Variants in ARHGAP26 observed in about 807,000 individuals in gnomAD.
ARHGAP26 encodes Rho GTPase activating protein 26.
A neutral mutation model predicts 104.8 loss-of-function variants in ARHGAP26; 38 were observed. The ratio of observed to expected loss-of-function variants is 0.36; its 90% CI spans 0.28 to 0.48. ARHGAP26 has a LOEUF of 0.48. Among genes scored for constraint, ARHGAP26 ranks in the 20% least tolerant of loss-of-function variants. The pLI is 0.99. For synonymous variants in ARHGAP26, 341 were observed against 340.0 expected (o/e 1.00, Z -0.03); for missense variants, 704 against 947.9 (o/e 0.74, Z 3.38).
At chr5:142,895,561 A>T (rs756759254) in intron 6 of ARHGAP26, among the ~76,000 whole-genome samples, 7 of 152,210 alleles carry the variant, frequency 4.6e-5, no homozygotes, top group Non-Finnish European at 1.0e-4. Flanking sequence ...GCAAATAAGA[A>T]TAAAACTGTA....
chr5:142,831,186 A>G (rs2152118086), intron 1 of ARHGAP26, among the ~76,000 whole-genome samples: 1 of 152,124 alleles, frequency 6.6e-6, no homozygotes, highest in African/African-American at 2.4e-5. Context: ...TCTCTCAGGG[A>G]TTCCACTGAT....
chr5:142,954,745 A>G (rs915723045), intron 11 of ARHGAP26, among the ~76,000 whole-genome samples: 8 of 152,202 alleles, frequency 5.3e-5, no homozygotes, highest in Non-Finnish European at 1.0e-4. Context: ...GATGTGTTTC[A>G]GGTGTTCTGA....
At chr5:143,176,346 T>C (rs1425479751) in intron 20 of ARHGAP26, among the ~76,000 whole-genome samples, 7 of 152,212 alleles carry the variant, frequency 4.6e-5, no homozygotes, top group African/African-American at 1.7e-4. Context: ...ACTTCTTAGA[T>C]GGTAGGAATT....
chr5:143,087,229 G>A (rs1463473239), intron 17 of ARHGAP26, among the ~76,000 whole-genome samples: 1 of 152,196 alleles, frequency 6.6e-6, no homozygotes, highest in African/African-American at 2.4e-5. Flanking sequence ...TCAAATTAAG[G>A]TGTTGTAAGC....
At chr5:143,076,609 C>T (rs1403930496) in intron 17 of ARHGAP26, among the ~76,000 whole-genome samples, 2 of 152,178 alleles carry the variant, frequency 1.3e-5, no homozygotes, top group Non-Finnish European at 2.9e-5. Flanking sequence ...GTTCCCTTTG[C>T]TCTCCAGTGG....
chr5:143,098,861 G>C (rs918693600), intron 17 of ARHGAP26, among the ~76,000 whole-genome samples: 3 of 145,786 alleles, frequency 2.1e-5, no homozygotes, highest in Admixed American at 2.0e-4. Flanking sequence ...TAGGGTTAGT[G>C]TTAAAGTATA....
chr5:142,932,926 C>T lies in ARHGAP26; in HGVS notation c.1107+801C>T, dbSNP rs1259628182. Reference sequence around the variant, plus strand: ...TCTACTCAGCCATATTTTATACAAACATGGGACGTAGTCAACTAGGCATAA... The same window carrying T: ...TCTACTCAGCCATATTTTATACAAATATGGGACGTAGTCAACTAGGCATAA... On this transcript the variant is annotated intron_variant, in intron 11 of 22. Transcript: ENST00000645722. 2.0e-5 allele frequency among the ~76,000 whole-genome samples: 3 copies of T among 152,218 alleles called. 1 individual carries two copies. Among genetic ancestry groups the T allele is most frequent in the Non-Finnish European group, 4.4e-5 (3 of 68,040 alleles).
intron 17 of ARHGAP26, among the ~76,000 whole-genome samples, chr5:143,094,788 G>T (rs982253007): frequency 2.0e-5 from 3 of 152,074 alleles, no homozygotes; most frequent in East Asian, 1.9e-4. Context: ...TGAGTGGTTT[G>T]GGGGGAAAAT....
At chr5:142,926,718 T>C (rs1321394089) in intron 10 of ARHGAP26, among the ~76,000 whole-genome samples, 1 of 152,138 alleles carries the variant, frequency 6.6e-6, no homozygotes, top group Non-Finnish European at 1.5e-5. Context: ...TATGAGTGTG[T>C]TGGGAGTGGG....
At chr5:143,099,207 A>G (rs1268146129) in intron 17 of ARHGAP26, among the ~76,000 whole-genome samples, 3 of 152,250 alleles carry the variant, frequency 2.0e-5, no homozygotes, top group Non-Finnish European at 4.4e-5. Flanking sequence ...CTGAGTCTTC[A>G]TTCATAGTAA....
At chr5:142,814,514 C>T (rs1764724787) in intron 1 of ARHGAP26, among the ~76,000 whole-genome samples, 1 of 152,216 alleles carries the variant, frequency 6.6e-6, no homozygotes, top group Non-Finnish European at 1.5e-5. Context: ...TGAGAAGTTC[C>T]ACTGCATTGC....
At chr5:142,847,557 A>G (rs1008333991) in intron 1 of ARHGAP26, among the ~76,000 whole-genome samples, 1 of 152,100 alleles carries the variant, frequency 6.6e-6, no homozygotes, top group African/African-American at 2.4e-5. Context: ...GGGTTTCTCC[A>G]TGTTGGTCAG....
Position 143,179,186 on chromosome 5 carries a change from A to G in ARHGAP26, c.1989-28012A>G, listed in dbSNP as rs968183123. ...GCCCAGCCATTTATCATGTATCATG[A>G]TAAATACATGATTATCAGACATTAA... On this transcript the variant is annotated intron_variant, in intron 20 of 22. Transcript: ENST00000645722. Among the ~76,000 whole-genome samples the G allele has an allele frequency of 2.6e-5, 4 of 152,308 alleles. 1 individual carries two copies.
At chr5:143,187,048 A>G (rs150639553) in intron 20 of ARHGAP26, among the ~76,000 whole-genome samples, 333 of 152,332 alleles carry the variant, frequency 2.2e-3, no homozygotes, top group African/African-American at 7.8e-3. Context: ...AGTAAACACT[A>G]TATGCCAGGC....
At chr5:142,889,384 G>A (rs930212073) in intron 5 of ARHGAP26, among the ~76,000 whole-genome samples, 1 of 152,098 alleles carries the variant, frequency 6.6e-6, no homozygotes, top group African/African-American at 2.4e-5. Flanking sequence ...AGGCCAAGGC[G>A]GGTGGATCAC....
At chr5:143,128,434 A>C (rs1796961487) in intron 18 of ARHGAP26, among the ~76,000 whole-genome samples, 1 of 152,228 alleles carries the variant, frequency 6.6e-6, no homozygotes, top group Non-Finnish European at 1.5e-5. Context: ...AGAGATTTTT[A>C]ATACAACTAC....
chr5:142,826,433 T>C lies in ARHGAP26; in HGVS notation c.155-46967T>C, dbSNP rs1423177677. On this transcript the variant is annotated intron_variant, in intron 1 of 22. Coordinates refer to ENST00000645722, the MANE Select transcript of ARHGAP26 (RefSeq NM_001135608.3). ...AAATTGAAGTTTAAAGAGGGGTAAATAAGTTTAAAGAGGGGTAAATAAGTT... is the reference window on the plus strand; with the variant it reads ...AAATTGAAGTTTAAAGAGGGGTAAACAAGTTTAAAGAGGGGTAAATAAGTT... 2.6e-5 allele frequency among the ~76,000 whole-genome samples: 4 copies of C among 152,150 alleles called. No individual in the cohort carries two copies. In the South Asian group the frequency reaches 8.3e-4, roughly 32 times the overall value.
At chr5:142,890,151 A>ATATATAT (rs1554140735) in intron 5 of ARHGAP26, among the ~76,000 whole-genome samples, 7 of 32,402 alleles carry the variant, frequency 2.2e-4, no homozygotes, top group African/African-American at 3.5e-4. Context: ...AAAAAAAAAA[A>ATATATAT]ATATATATAT....
intron 1 of ARHGAP26, among the ~76,000 whole-genome samples, chr5:142,785,240 C>T (rs1246777315): frequency 6.6e-6 from 1 of 152,192 alleles, no homozygotes; most frequent in South Asian, 2.1e-4. Context: ...AAGTGTGGCA[C>T]TCTCCTATCT....
Sources: gnomAD v4.1 joint callset for allele counts (sites outside exome capture counted in the v4.1 genomes callset) on GRCh38, gnomAD v4.1.1 for gene constraint, MANE v1.5 for transcripts, NCBI Gene and HGNC (gene_info 2026-07-23, HGNC 2026-07-21) for gene names.